RORA: variants seen among roughly 807,000 people sequenced by gnomAD.
RORA encodes nuclear receptor ROR-alpha.
Under a neutral mutation model 69.5 loss-of-function variants are expected in RORA, and 7 were observed. The ratio of observed to expected loss-of-function variants is 0.10; its 90% CI spans 0.06 to 0.19. The LOEUF is 0.19. RORA is among the 10% of genes least tolerant of loss of function. RORA has a pLI of 1.00. For missense variants in RORA, 457 were observed against 663.0 expected, an observed-to-expected ratio of 0.69 and a Z score of 3.41; for synonymous variants, 261 against 240.8, an observed-to-expected ratio of 1.08 and a Z score of -0.78.
At chr15:61,075,736 C>A (rs1353212126) in intron 1 of RORA, among the ~76,000 whole-genome samples, 1 of 152,160 alleles carries the variant, frequency 6.6e-6, no homozygotes, top group African/African-American at 2.4e-5. Flanking sequence ...TGACCCAAGT[C>A]TTCCATGTCT....
intron 1 of RORA, among the ~76,000 whole-genome samples, chr15:60,767,749 C>T (rs917358336): frequency 4.6e-5 from 7 of 152,170 alleles, no homozygotes; most frequent in Non-Finnish European, 1.5e-5. Flanking sequence ...CCTGCAAACT[C>T]CCTTCTTGCT....
At position 61,198,005 on chromosome 15, in the gene RORA, A is replaced by T. The variant is rs73434680; in HGVS notation, c.166+31048T>A. The stretch of plus-strand genomic sequence containing the variant: ...TGTGAGTAGACTCGAAGAGATGCTC[A>T]AATGACTCAGAGCATTTGAAAGATT... On this transcript the variant is annotated intron_variant, in intron 1 of 10. Transcript: ENST00000335670. 4.6e-3 allele frequency among the ~76,000 whole-genome samples: 707 copies of T among 152,336 alleles called. 3 individuals are homozygous for T. Among genetic ancestry groups the T allele is most frequent in the African/African-American group, 0.016 (646 of 41,576 alleles).
At chr15:61,059,988 G>GGAAGAGGAA (rs2078155885) in intron 1 of RORA, among the ~76,000 whole-genome samples, 133 of 85,888 alleles carry the variant, frequency 1.5e-3, no homozygotes, top group African/African-American at 4.9e-3. Context: ...AAGAGGAAGA[G>GGAAGAGGAA]GAAGAAGAAG....
intron 1 of RORA, among the ~76,000 whole-genome samples, chr15:61,144,945 G>C (rs980604568): frequency 2.0e-5 from 3 of 152,094 alleles, no homozygotes; most frequent in Non-Finnish European, 4.4e-5. Context: ...TATTCTGTAT[G>C]TGTTATTTTT....
rs181378416 is a variant in RORA, at chr15:60,695,846, G to A, written c.167-17160C>T. 1.2e-3 allele frequency among the ~76,000 whole-genome samples: 179 copies of A among 152,138 alleles called. 2 individuals are homozygous for A. Among genetic ancestry groups the A allele is most frequent in the African/African-American group, 4.1e-3 (171 of 41,494 alleles). On this transcript the variant is annotated intron_variant, in intron 1 of 10. Coordinates refer to ENST00000335670, the MANE Select transcript of RORA (RefSeq NM_134261.3). ...TTTCAGGATTTTAGTTCCAGCAAAT[G>A]AAGGCAAAAGTGACTAATCAGAGTG...
chr15:60,855,470 C>T (rs2073369342), intron 1 of RORA, among the ~76,000 whole-genome samples: 2 of 152,176 alleles, frequency 1.3e-5, no homozygotes, highest in South Asian at 4.1e-4. Context: ...TAGTCATACA[C>T]TTATGAGGGA....
chr15:60,757,433 G>C (rs1010144348), intron 1 of RORA, among the ~76,000 whole-genome samples: 1 of 152,166 alleles, frequency 6.6e-6, no homozygotes, highest in Admixed American at 6.5e-5. Flanking sequence ...TCTGCAAAGA[G>C]TATTTTTCTG....
intron 2 of RORA, chr15:60,592,466 G>A: frequency 2.2e-6 from 3 of 1,379,262 alleles, no homozygotes; most frequent in Non-Finnish European, 2.8e-6. Context: ...TCCGACCCCG[G>A]AGCCCCCTCT....
rs76780908 is a variant in RORA at position 60,572,085 on chromosome 15, A to G, written c.197-40234T>C. Among the ~76,000 whole-genome samples the G allele has an allele frequency of 5.4e-3, 824 of 152,308 alleles. 14 individuals carry two copies. The highest frequency in any genetic ancestry group is 0.019 in the African/African-American group (793 of 41,556). On this transcript the variant is annotated intron_variant, in intron 2 of 10. Coordinates refer to ENST00000335670, the MANE Select transcript of RORA (RefSeq NM_134261.3). ...TCCATGCATGAGATTCCATAAGTCTATGGAAAAAATACTAGGTATACCCTC... is the reference window on the plus strand; with the variant it reads ...TCCATGCATGAGATTCCATAAGTCTGTGGAAAAAATACTAGGTATACCCTC...
chr15:61,015,438 T>A (rs1004691622), intron 1 of RORA, among the ~76,000 whole-genome samples: 12 of 152,054 alleles, frequency 7.9e-5, no homozygotes, highest in African/African-American at 2.9e-4. Flanking sequence ...TAATTCAAAA[T>A]TTTTAAGTAA....
chr15:61,109,884 G>A (rs183748101), intron 1 of RORA, among the ~76,000 whole-genome samples: 1 of 152,286 alleles, frequency 6.6e-6, no homozygotes, highest in Non-Finnish European at 1.5e-5. Flanking sequence ...GTACTAATAT[G>A]TACCTGTGAG....
Position 60,870,841 on chromosome 15 carries a change from CT to C in RORA, c.167-192156del, listed in dbSNP as rs952176450. On this transcript the variant is annotated intron_variant, in intron 1 of 10. Transcript: ENST00000335670. ...CCCTGTGACATAAGCATAGGCTTGC[CT>C]TTGGCAACTGTACAAGACAAGTCCT... Among the ~76,000 whole-genome samples the C allele has an allele frequency of 2.6e-5, 4 of 152,320 alleles. No homozygotes were observed. The East Asian group carries it at 5.8e-4, about 22-fold the overall frequency.
At chr15:60,694,196 A>T (rs2070869524) in intron 1 of RORA, among the ~76,000 whole-genome samples, 1 of 152,158 alleles carries the variant, frequency 6.6e-6, no homozygotes, top group African/African-American at 2.4e-5. Context: ...GTGGAGGGGC[A>T]TGTTTAAGGT....
intron 1 of RORA, among the ~76,000 whole-genome samples, chr15:60,754,425 C>T (rs1319822414): frequency 6.6e-6 from 1 of 152,174 alleles, no homozygotes; most frequent in Non-Finnish European, 1.5e-5. Flanking sequence ...TTGCTAATTC[C>T]AGCTGTACTG....
chr15:60,552,973 T>C (rs934194477), intron 2 of RORA, among the ~76,000 whole-genome samples: 1 of 152,306 alleles, frequency 6.6e-6, no homozygotes, highest in Admixed American at 6.5e-5. Flanking sequence ...TTATTAGCAC[T>C]GTGATCATGG....
rs73430879 is a variant in RORA at position 61,116,685 on chromosome 15, C to G, written c.166+112368G>C. Among the ~76,000 whole-genome samples, 990 of 152,296 alleles carry G rather than the reference C, an allele frequency of 6.5e-3. 12 individuals carry two copies. The highest frequency in any genetic ancestry group is 0.022 in the African/African-American group (934 of 41,554). On this transcript the variant is annotated intron_variant, in intron 1 of 10. Transcript: ENST00000335670. ...AACATTGACGAGCTTTCCTCAGGCT[C>G]TGAGAGAGGTGAACTGGGTGCTGGG...
At chr15:60,555,384 A>G (rs947456906) in intron 2 of RORA, among the ~76,000 whole-genome samples, 2 of 152,138 alleles carry the variant, frequency 1.3e-5, no homozygotes, top group African/African-American at 4.8e-5. Flanking sequence ...CTCGACATAT[A>G]TTGGTTTCAA....
At chr15:60,854,737 G>C (rs71411430) in intron 1 of RORA, among the ~76,000 whole-genome samples, 6 of 152,216 alleles carry the variant, frequency 3.9e-5, no homozygotes, top group Non-Finnish European at 7.3e-5. Flanking sequence ...GTCCCTCCAA[G>C]TGTTCTCTAG....
At chr15:61,067,355 C>T (rs536053686) in intron 1 of RORA, among the ~76,000 whole-genome samples, 14 of 152,020 alleles carry the variant, frequency 9.2e-5, no homozygotes, top group Non-Finnish European at 1.5e-4. Context: ...CCGCCCGCCT[C>T]GGCCTCCCAA....
Sources: gnomAD v4.1 joint callset for allele counts (sites outside exome capture counted in the v4.1 genomes callset) on GRCh38, gnomAD v4.1.1 for gene constraint, MANE v1.5 for transcripts, NCBI Gene and HGNC (gene_info 2026-07-23, HGNC 2026-07-21) for gene names.